The following ABHD4 variants were observed in gnomAD, a reference collection of about 807,000 sequenced individuals.
The protein encoded by ABHD4 is (Lyso)-N-acylphosphatidylethanolamine lipase.
Under a neutral mutation model 42.3 loss-of-function variants are expected in ABHD4, and 35 were observed. The ratio of observed to expected loss-of-function variants is 0.83; its 90% CI spans 0.63 to 1.10. The LOEUF (loss-of-function observed/expected upper bound fraction) is 1.10, where lower values mean the gene tolerates loss of function less well. Ranked by LOEUF, ABHD4 falls within the 50% of genes least tolerant of loss-of-function variation. ABHD4 has a pLI of 0.00. For synonymous variants in ABHD4, 169 were observed against 170.6 expected (o/e 0.99, Z 0.07); for missense variants, 389 against 454.8 (o/e 0.86, Z 1.32).
Position 22,611,021 on chromosome 14 carries a change from C to T in ABHD4, c.*73C>T. On this transcript the variant is annotated 3_prime_UTR_variant, in exon 7 of 7. Transcript: ENST00000428304. ...CTCCCTGTCTGCTTACTCACCCACT[C>T]TGTCCTTTCCTCACCAACTAACATG... is the stretch of plus-strand genomic sequence containing the variant. 13 of 1,335,822 alleles carry T rather than the reference C, an allele frequency of 9.7e-6. No individual in the cohort carries two copies. Among genetic ancestry groups the T allele is most frequent in the Non-Finnish European group, 1.4e-5 (13 of 938,398 alleles). The allele number at this position is 1,335,822 out of a possible 1,614,324, so 82.7% of individuals were successfully genotyped here. A position where few individuals can be genotyped will look rare whatever the true frequency, so the allele number is the denominator to read the frequency against.
chr14:22,606,179 C>T (rs1375996978), intron 4 of ABHD4, among the ~76,000 whole-genome samples: 2 of 152,122 alleles, frequency 1.3e-5, no homozygotes, highest in Non-Finnish European at 2.9e-5. Context: ...CAACCTGGCT[C>T]CTCAGTGTTG....
chr14:22,609,333 G>A (rs950236055), intron 5 of ABHD4, among the ~76,000 whole-genome samples: 1 of 152,140 alleles, frequency 6.6e-6, no homozygotes, highest in Non-Finnish European at 1.5e-5. Flanking sequence ...TTAATCATAT[G>A]ATTAGTTACT....
rs1381282794 is a variant in ABHD4, at chr14:22,611,281, T to G, written c.*333T>G. The G allele has an allele frequency of 1.5e-5, 4 of 263,298 alleles. No homozygotes were observed. The highest frequency in any genetic ancestry group is 4.5e-5 in the Admixed American group (1 of 22,080). The allele number at this position is 263,298 out of a possible 1,614,324, so 16.3% of individuals were successfully genotyped here. On this transcript the variant is annotated 3_prime_UTR_variant, in exon 7 of 7. Coordinates refer to ENST00000428304, the MANE Select transcript of ABHD4 (RefSeq NM_022060.3). ...GCCACATTCACTCTCTCTGTGGCCT[T>G]TCTTCCTCTGGGCAAAGAAGGGCTT...
At chr14:22,603,901 C>T in intron 3 of ABHD4, 24 bp from the exon 4 acceptor site, 1 of 1,612,672 alleles carries the variant, frequency 6.2e-7, no homozygotes, top group Middle Eastern at 1.7e-4. Context: ...AATGTGTCTT[C>T]TCCTCTTTCC....
chr14:22,607,876 C>T (rs771716950), intron 5 of ABHD4, among the ~76,000 whole-genome samples: 1 of 152,180 alleles, frequency 6.6e-6, no homozygotes, highest in Non-Finnish European at 1.5e-5. Context: ...CCCCAAACAC[C>T]GTCACTCAAT....
At position 22,609,859 on chromosome 14, in the gene ABHD4, T is replaced by C. The variant is rs748728875; in HGVS notation, c.888T>C (p.Ser296=). Residue 296 remains serine, a synonymous_variant, in exon 6 of 7, where the codon AGT becomes AGC. Coordinates refer to ENST00000428304, the MANE Select transcript of ABHD4 (RefSeq NM_022060.3). ...GGTCCGACACCTGGATAGATACCAG[T>C]ACGGGAAAAAAGGTGAAGATGCAGC... The part of the protein sequence containing the change: ...IYGSDTWIDT[S]TGKKVKMQRP... 3 of 1,613,902 alleles carry C rather than the reference T, an allele frequency of 1.9e-6. No homozygotes were observed. Among genetic ancestry groups the C allele is most frequent in the Non-Finnish European group, 1.7e-6 (2 of 1,179,966 alleles).
intron 4 of ABHD4, among the ~76,000 whole-genome samples, chr14:22,606,063 G>T (rs2037345422): frequency 6.6e-6 from 1 of 152,310 alleles, no homozygotes; most frequent in South Asian, 2.1e-4. Flanking sequence ...GGGAGAAGGA[G>T]AACATAGCTC....
chr14:22,605,835 G>A, intron 4 of ABHD4: 1 of 1,288,910 alleles, frequency 7.8e-7, no homozygotes. Flanking sequence ...AAGTTGACCA[G>A]TAGACCTCAT....
intron 5 of ABHD4, among the ~76,000 whole-genome samples, chr14:22,608,337 A>G (rs750515747): frequency 2.2e-4 from 34 of 152,208 alleles, no homozygotes; most frequent in Non-Finnish European, 4.0e-4. Flanking sequence ...CCCTATCTCT[A>G]GCAGAAGCTG....
At chr14:22,603,850 C>G in intron 3 of ABHD4, 75 bp from the exon 4 acceptor site, 3 of 1,590,678 alleles carry the variant, frequency 1.9e-6, no homozygotes, top group Non-Finnish European at 2.6e-6. Flanking sequence ...TTCTCTCATT[C>G]CCAGGCGATT....
intron 4 of ABHD4, 58 bp downstream of exon 4, chr14:22,604,137 G>T (rs531795491): frequency 6.3e-7 from 1 of 1,579,826 alleles, no homozygotes; most frequent in African/African-American, 1.3e-5. Context: ...AAGGCCCACA[G>T]TGTCTTTCCC....
intron 1 of ABHD4, chr14:22,600,156 C>G (rs557481065): frequency 2.2e-6 from 1 of 455,870 alleles, no homozygotes; most frequent in East Asian, 6.9e-5. Context: ...AGCTCTGACA[C>G]AGAAAAGCTA....
At position 22,599,018 on chromosome 14, in the gene ABHD4, C is replaced by G. The variant is rs564200435; in HGVS notation, c.23+689C>G. The G allele has an allele frequency of 2.9e-4, 45 of 152,590 alleles. No individual in the cohort carries two copies. The South Asian group carries it at 8.9e-3, about 30-fold the overall frequency. 9.5% of individuals were successfully genotyped at this position (152,590 alleles called of 1,614,324 possible). On this transcript the variant is annotated intron_variant, in intron 1 of 6. Transcript: ENST00000428304. The stretch of plus-strand genomic sequence containing the variant: ...GGTGGTGTGACTAGCAGTTCGCAAT[C>G]TGATAGGAGTAAGAAAAAGTTGCTA...
In ABHD4 at chr14:22,611,113, C is replaced by T. The variant is rs946395882; in HGVS notation, c.*165C>T. ...GACAGTGAAAAGAACACTCTTGACC[C>T]TACACTGAAGGCTGAAGGCAGAAGC... On this transcript the variant is annotated 3_prime_UTR_variant, in exon 7 of 7. Coordinates refer to ENST00000428304, the MANE Select transcript of ABHD4 (RefSeq NM_022060.3). 4 of 646,850 alleles carry T rather than the reference C, an allele frequency of 6.2e-6. No homozygotes were observed. The highest frequency in any genetic ancestry group is 1.1e-5 in the Non-Finnish European group (4 of 365,474). The allele number at this position is 646,850 out of a possible 1,614,324, so 40.1% of individuals were successfully genotyped here.
chr14:22,611,228 G>A lies in ABHD4; in HGVS notation c.*280G>A. ...ACTCCTTGCCAAGTGTTACCCAGAT[G>A]GTGGAGGATGTGAAGGGATTGCACC... On this transcript the variant is annotated 3_prime_UTR_variant, in exon 7 of 7. Coordinates refer to ENST00000428304, the MANE Select transcript of ABHD4 (RefSeq NM_022060.3). 1 of 411,360 alleles carries A rather than the reference G, an allele frequency of 2.4e-6. No homozygotes were observed. 25.5% of individuals were successfully genotyped at this position (411,360 alleles called of 1,614,324 possible).
At chr14:22,600,272 T>TA (rs1849644026) in intron 1 of ABHD4, 7 of 444,000 alleles carry the variant, frequency 1.6e-5, no homozygotes, top group Non-Finnish European at 3.2e-5. Flanking sequence ...GACATAAATG[T>TA]AAAAATGTGG....
chr14:22,605,332 G>T (rs2037337055), intron 4 of ABHD4, among the ~76,000 whole-genome samples: 1 of 152,210 alleles, frequency 6.6e-6, no homozygotes, highest in African/African-American at 2.4e-5. Flanking sequence ...TTGTACTGAT[G>T]ATTGTGCTTA....
At chr14:22,598,365 C>T (rs576630567) in intron 1 of ABHD4, 36 bp downstream of exon 1, 1 of 1,551,670 alleles carries the variant, frequency 6.4e-7, no homozygotes, top group South Asian at 1.2e-5. Flanking sequence ...CTTTCTCTCT[C>T]TCTCTCTGGG....
intron 2 of ABHD4, 152 bp downstream of exon 2, chr14:22,601,907 G>T (rs921543135): frequency 2.9e-6 from 2 of 682,218 alleles, no homozygotes; most frequent in Admixed American, 2.4e-5. Flanking sequence ...GAGGGAAGAG[G>T]TGCATACAGA....
Sources: allele counts gnomAD v4.1 joint callset (sites outside exome capture counted in the v4.1 genomes callset), GRCh38; gene constraint gnomAD v4.1.1; transcripts MANE v1.5; gene names NCBI Gene and HGNC (gene_info 2026-07-23, HGNC 2026-07-21).